DACH2: variants seen among roughly 807,000 people sequenced by gnomAD.
DACH2 encodes dachshund homolog 2.
DACH2 carries 17 observed loss-of-function variants against 35.8 expected under a neutral mutation model. The ratio of observed to expected loss-of-function variants is 0.48; its 90% CI spans 0.33 to 0.71. The LOEUF is 0.71. DACH2 is among the 30% of genes least tolerant of loss of function. The pLI is 0.02. For synonymous variants in DACH2, 195 were observed against 177.3 expected, an observed-to-expected ratio of 1.10 and a Z score of -0.79; for missense variants, 469 against 472.7, an observed-to-expected ratio of 0.99 and a Z score of 0.07.
At chrX:86,817,151 C>T (rs1174564070) in intron 11 of DACH2, among the ~76,000 whole-genome samples, 1 of 111,858 alleles carries the variant, frequency 8.9e-6, no homozygotes, top group East Asian at 2.8e-4. Context: ...ATGCATGATT[C>T]TGTTGCAGGT....
intron 4 of DACH2, among the ~76,000 whole-genome samples, chrX:86,669,313 C>T (rs2040736739): frequency 9.0e-6 from 1 of 111,086 alleles, no homozygotes; most frequent in African/African-American, 3.3e-5. Flanking sequence ...TTATACCTAT[C>T]TAATAGTATA....
chrX:86,516,912 T>C (rs1178597820), intron 3 of DACH2, among the ~76,000 whole-genome samples: 1 of 111,951 alleles, frequency 8.9e-6, no homozygotes, highest in East Asian at 2.8e-4. Context: ...GGCTGCATAG[T>C]ATTCCATGGT....
At chrX:86,324,595 T>C (rs1292501181) in intron 1 of DACH2, among the ~76,000 whole-genome samples, 5 of 58,108 alleles carry the variant, frequency 8.6e-5, no homozygotes, top group Non-Finnish European at 1.5e-4. Context: ...TTTTTTTTTT[T>C]TGAGATGGCG....
chrX:86,729,350 T>A (rs749743379), intron 6 of DACH2, among the ~76,000 whole-genome samples: 10 of 112,368 alleles, frequency 8.9e-5, no homozygotes, highest in African/African-American at 2.9e-4. Flanking sequence ...CCCTGTTGTA[T>A]CTTGGAAGTA....
At chrX:86,709,229 ATAGAGAGCC>A (rs2041252370) in intron 5 of DACH2, among the ~76,000 whole-genome samples, 1 of 111,630 alleles carries the variant, frequency 9.0e-6, no homozygotes. Context: ...ATAGAACAGA[ATAGAGAGCC>A]TAGAAATAGA....
At chrX:86,567,614 T>A (rs1284178024) in intron 3 of DACH2, among the ~76,000 whole-genome samples, 1 of 111,891 alleles carries the variant, frequency 8.9e-6, no homozygotes, top group Non-Finnish European at 1.9e-5. Flanking sequence ...TAAAAATTTC[T>A]ACATATCTCC....
chrX:86,555,384 A>G (rs768047866), intron 3 of DACH2, among the ~76,000 whole-genome samples: 1 of 111,749 alleles, frequency 8.9e-6, no homozygotes, highest in Admixed American at 9.5e-5. Flanking sequence ...ACAAGAGTAA[A>G]TCATTCTGGA....
chrX:86,699,884 G>GAT (rs1203523692), intron 5 of DACH2, among the ~76,000 whole-genome samples: 1 of 111,301 alleles, frequency 9.0e-6, no homozygotes. Context: ...GTGTCCCAAA[G>GAT]ATTTTCATAT....
intron 4 of DACH2, among the ~76,000 whole-genome samples, chrX:86,659,289 T>C (rs2148413540): frequency 9.0e-6 from 1 of 111,093 alleles, no homozygotes; most frequent in South Asian, 3.8e-4. Flanking sequence ...GTTTTTTCAG[T>C]ACCCTTCTAT....
chrX:86,257,370 T>A (rs899693183), intron 1 of DACH2, among the ~76,000 whole-genome samples: 9 of 112,392 alleles, frequency 8.0e-5, no homozygotes, highest in African/African-American at 2.9e-4. Flanking sequence ...TCCACTTACA[T>A]CCCTTCAATT....
At chrX:86,287,945 G>C (rs1247858147) in intron 1 of DACH2, among the ~76,000 whole-genome samples, 1 of 111,685 alleles carries the variant, frequency 9.0e-6, no homozygotes, top group Non-Finnish European at 1.9e-5. Flanking sequence ...CTTGATGCTT[G>C]TATATATTCC....
At chrX:86,594,630 G>A (rs1430004850) in intron 3 of DACH2, among the ~76,000 whole-genome samples, 1 of 111,351 alleles carries the variant, frequency 9.0e-6, no homozygotes, top group Non-Finnish European at 1.9e-5. Flanking sequence ...GGGTTTTCCA[G>A]GTATTTTTTG....
chrX:86,490,463 A>C (rs966423276), intron 2 of DACH2, among the ~76,000 whole-genome samples: 1 of 111,139 alleles, frequency 9.0e-6, no homozygotes, highest in African/African-American at 3.3e-5. Flanking sequence ...GCAAAAGGGG[A>C]GATGGCTCTA....
chrX:86,286,303 A>AT (rs1295000315), intron 1 of DACH2, among the ~76,000 whole-genome samples: 233 of 106,281 alleles, frequency 2.2e-3, no homozygotes, highest in Non-Finnish European at 2.7e-3. Flanking sequence ...AATTTTTTGT[A>AT]TTTTTTTTAG....
At chrX:86,562,995 G>A (rs1411726684) in intron 3 of DACH2, among the ~76,000 whole-genome samples, 1 of 111,346 alleles carries the variant, frequency 9.0e-6, no homozygotes, top group African/African-American at 3.3e-5. Flanking sequence ...ATGATAACTT[G>A]AAAGTAATAT....
intron 11 of DACH2, among the ~76,000 whole-genome samples, chrX:86,826,901 C>T (rs1569486635): frequency 8.9e-6 from 1 of 112,206 alleles, no homozygotes; most frequent in East Asian, 2.8e-4. Flanking sequence ...ATCAGAAGCA[C>T]AGCACTAATT....
At chrX:86,793,749 A>G (rs1402379969) in intron 7 of DACH2, among the ~76,000 whole-genome samples, 3 of 112,330 alleles carry the variant, frequency 2.7e-5, no homozygotes, top group Non-Finnish European at 3.8e-5. Context: ...AAGCACATTG[A>G]GCATATAACA....
At chrX:86,807,806 A>T (rs377351116) in intron 7 of DACH2, among the ~76,000 whole-genome samples, 4 of 112,539 alleles carry the variant, frequency 3.6e-5, no homozygotes, top group East Asian at 2.8e-4. Flanking sequence ...TAATTATATT[A>T]AACAATGATT....
intron 2 of DACH2, among the ~76,000 whole-genome samples, chrX:86,466,726 T>A (rs1341883230): frequency 1.8e-5 from 2 of 111,619 alleles, no homozygotes; most frequent in Non-Finnish European, 3.8e-5. Flanking sequence ...TCCTCTGAAA[T>A]CTAGGTGGAG....
Sources: allele counts gnomAD v4.1 joint callset (sites outside exome capture counted in the v4.1 genomes callset), GRCh38; gene constraint gnomAD v4.1.1; transcripts MANE v1.5; gene names NCBI Gene and HGNC (gene_info 2026-07-23, HGNC 2026-07-21).